OBSL1: variants seen among roughly 807,000 people sequenced by gnomAD.
OBSL1 encodes obscurin like cytoskeletal adaptor 1, also known as obscurin-like protein 1.
In OBSL1, 160 loss-of-function variants were observed where a neutral mutation model predicts 172.0. The ratio of observed to expected loss-of-function variants is 0.93; its 90% CI spans 0.82 to 1.06. OBSL1 has a LOEUF of 1.06. Among genes scored for constraint, OBSL1 ranks in the 50% least tolerant of loss-of-function variants. The probability of loss-of-function intolerance (pLI) is 0.00; values close to 1 mark genes in which losing one functional copy is unlikely to be tolerated. For synonymous variants in OBSL1, 1,200 were observed against 1,196.3 expected (o/e 1.00, Z -0.06); for missense variants, 2,681 against 2,715.4 (o/e 0.99, Z 0.28).
rs778230773 is a variant in OBSL1, at chr2:219,570,401, C to G, written c.832G>C (p.Glu278Gln). 6 of 1,613,288 alleles carry G rather than the reference C, an allele frequency of 3.7e-6. No homozygotes were observed. The highest frequency in any genetic ancestry group is 5.1e-6 in the Non-Finnish European group (6 of 1,179,628). The stretch of plus-strand genomic sequence containing the variant: ...AGCGGGCGGCCCTCCCAGTGCCATT[C>G]GATCTCGGGCTCGGGCTTGCCCATC... ...YVMGKPEPEI[E>Q]WHWEGRPLLP... Residue 278 changes from glutamate to glutamine, a missense_variant, in exon 1 of 21, where the codon GAA (glutamate) becomes CAA (glutamine). By Grantham distance (29) the Glu-to-Gln change is conservative (BLOSUM62 2). Transcript: ENST00000404537.
chr2:219,562,791 G>C, intron 7 of OBSL1, 117 bp from the exon 8 acceptor site: 1 of 1,110,372 alleles, frequency 9.0e-7, no homozygotes, highest in East Asian at 2.6e-5. Context: ...GGACCTTCCT[G>C]AGACCAAATC....
At position 219,570,940 on chromosome 2, in the gene OBSL1, G is replaced by GCGGCCGCCGCGTAGGCCTCGC. The variant is rs1285768206; in HGVS notation, c.272_292dup (p.Gly91_Ala97dup). 1.6e-6 allele frequency: 2 copies of GCGGCCGCCGCGTAGGCCTCGC among 1,276,456 alleles called. No individual in the cohort carries two copies. The highest frequency in any genetic ancestry group is 3.1e-5 in the African/African-American group (2 of 63,860). 79.1% of individuals were successfully genotyped at this position (1,276,456 alleles called of 1,614,324 possible). On this transcript the variant is annotated inframe_insertion, in exon 1 of 21. Transcript: ENST00000404537. ...GGCCGGCGGCTCCAGCACGGTGACG[G>GCGGCCGCCGCGTAGGCCTCGC]CGGCCGCCGCGTAGGCCTCGCCGGC...
rs1481786062 is a variant in OBSL1, at chr2:219,567,115, G to A, written c.1849C>T (p.Arg617Cys). ...ACATCCTCCAGACCTGCCACCAGGC[G>A]AGCTGTGGGCACTGAGGCAGGGACA... is the stretch of plus-strand genomic sequence containing the variant. ...HGSAHLVPTARLVAGLEDVQV... is the reference protein window; with the variant it reads ...HGSAHLVPTACLVAGLEDVQV... The change falls in exon 5 of 21, where the codon CGC (arginine) becomes TGC (cysteine). Residue 617 changes from arginine to cysteine, a missense_variant. Physicochemically the swap from Arg to Cys is radical, Grantham distance 180. Transcript: ENST00000404537. 3.1e-6 allele frequency: 5 copies of A among 1,613,024 alleles called. No homozygotes were observed. Among genetic ancestry groups the A allele is most frequent in the Admixed American group, 1.7e-5 (1 of 60,000 alleles).
In OBSL1 at chr2:219,556,152, C is replaced by T. The variant is rs201032988; in HGVS notation, c.4477G>A (p.Asp1493Asn). 679 of 1,613,756 alleles carry T rather than the reference C, an allele frequency of 4.2e-4. 2 individuals are homozygous for T. The African/African-American group carries it at 6.6e-3, about 16-fold the overall frequency. Residue 1493 changes from aspartate (D) to asparagine (N), a missense_variant, in exon 14 of 21, where the codon GAC becomes AAC. Asp to Asn is a conservative substitution (Grantham distance 23). Transcript: ENST00000404537. ...TCCTGGGCCATGGACAGGCGAGAGT[C>T]GTGGGGCAGGGGCTGCCCACCTCGC... ...WVRGGQPLPHDSRLSMAQDGH... is the reference protein window; with the variant it reads ...WVRGGQPLPHNSRLSMAQDGH...
chr2:219,557,530 G>T lies in OBSL1; in HGVS notation c.3879C>A (p.Leu1293=). ...AGCGTACAGGGCCCCCTGGCCCGGA[G>T]AGGTGCACCACCAGCTCTAGGTCCC... ...PGGDLELVVH[L]SGPGGPVRWY... The change falls in exon 12 of 21, where the codon CTC becomes CTA. Residue 1293 remains leucine (L), a synonymous_variant. Transcript: ENST00000404537. The T allele has an allele frequency of 6.4e-7, 1 of 1,552,782 alleles. No individual in the cohort carries two copies. The highest frequency in any genetic ancestry group is 8.7e-7 in the Non-Finnish European group (1 of 1,148,652).
chr2:219,562,929 G>A (rs984293618), intron 7 of OBSL1: 11 of 554,302 alleles, frequency 2.0e-5, no homozygotes, highest in Non-Finnish European at 3.5e-5. Context: ...CTGTAGAAAC[G>A]CTCCACATTC....
chr2:219,558,279 CG>C lies in OBSL1; in HGVS notation c.3406del (p.Arg1136AlafsTer3), dbSNP rs1559141246. ...ALQLGAEGPT[R>X]TLTLPHAQPE... ...CTGGGCGTGGGGCAGGGTCAGGGTG[CG>C]GGTGGGCCCCTCGGCACCCAGCTGC... On this transcript the variant is annotated frameshift_variant, in exon 10 of 21. Coordinates refer to ENST00000404537, the MANE Select transcript of OBSL1 (RefSeq NM_015311.3). LOFTEE classifies it high-confidence loss of function. The C allele has an allele frequency of 1.2e-6, 2 of 1,611,168 alleles. No individual in the cohort carries two copies. The highest frequency in any genetic ancestry group is 1.7e-5 in the Admixed American group (1 of 59,670).
In OBSL1 at chr2:219,552,592, C is replaced by T; in HGVS notation, c.5252G>A (p.Trp1751Ter). 2 of 1,586,244 alleles carry T rather than the reference C, an allele frequency of 1.3e-6. No homozygotes were observed. The highest frequency in any genetic ancestry group is 1.7e-6 in the Non-Finnish European group (2 of 1,172,768). The part of the protein sequence containing the change: ...TVSEVETTGR[W>*]ELGGRPLRPG... ...TCTCAGCGGGCGGCCTCCGAGCTCC[C>T]AGCGCCCCGTGGTCTCGACCTCCGA... Residue 1751 changes from tryptophan to a stop codon, truncating the protein, a stop_gained, in exon 18 of 21, where the codon TGG becomes TAG. Transcript: ENST00000404537. LOFTEE classifies it high-confidence loss of function.
chr2:219,557,043 G>A (rs975660607), intron 12 of OBSL1: 15 of 478,652 alleles, frequency 3.1e-5, no homozygotes, highest in Non-Finnish European at 4.4e-5. Context: ...TTTCAGAGCC[G>A]GGGCTCAGAC....
chr2:219,563,315 C>A, intron 7 of OBSL1, 40 bp downstream of exon 7: 2 of 1,512,882 alleles, frequency 1.3e-6, no homozygotes, highest in Non-Finnish European at 1.8e-6. Context: ...GGAGCAGGGG[C>A]ACCTTCCCCT....
chr2:219,551,668 C>G lies in OBSL1; in HGVS notation c.5544G>C (p.Leu1848=), dbSNP rs1198381469. 6.2e-7 allele frequency: 1 copy of G among 1,611,440 alleles called. No individual in the cohort carries two copies. The highest frequency in any genetic ancestry group is 8.5e-7 in the Non-Finnish European group (1 of 1,179,316). The change falls in exon 20 of 21, where the codon CTG becomes CTC. Residue 1848 remains leucine, a synonymous_variant. Coordinates refer to ENST00000404537, the MANE Select transcript of OBSL1 (RefSeq NM_015311.3). ...HVCWLREGAE[L]CPGDKYEMRS... ...GCATCTCATACTTATCTCCCGGGCACAGCTCGGCCCCCTCCCGCAGCCAGC... is the reference window on the plus strand; with the variant it reads ...GCATCTCATACTTATCTCCCGGGCAGAGCTCGGCCCCCTCCCGCAGCCAGC...
intron 7 of OBSL1, 43 bp from the exon 8 acceptor site, chr2:219,562,717 C>A (rs1272651684): frequency 1.3e-6 from 2 of 1,509,954 alleles, no homozygotes; most frequent in African/African-American, 1.4e-5. Flanking sequence ...AGGGGTGTGC[C>A]CTGCCGTCCT....
At position 219,552,926 on chromosome 2, in the gene OBSL1, C is replaced by T; in HGVS notation, c.5088G>A (p.Gly1696=). The change falls in exon 17 of 21, where the codon GGG becomes GGA. Residue 1696 remains glycine, a synonymous_variant. Coordinates refer to ENST00000404537, the MANE Select transcript of OBSL1 (RefSeq NM_015311.3). ...QLRRCGPSDA[G]TYSCAVGTAR... is the part of the protein sequence containing the mutation. ...CCGTCCCCACCGCGCAGCTGTAGGTCCCGGCGTCCGAGGGGCCGCAGCGTC... is the reference window on the plus strand; with the variant it reads ...CCGTCCCCACCGCGCAGCTGTAGGTTCCGGCGTCCGAGGGGCCGCAGCGTC... 2 of 1,537,712 alleles carry T rather than the reference C, an allele frequency of 1.3e-6. No individual in the cohort carries two copies. Among genetic ancestry groups the T allele is most frequent in the Non-Finnish European group, 1.7e-6 (2 of 1,144,580 alleles).
At position 219,560,406 on chromosome 2, in the gene OBSL1, C is replaced by T. The variant is rs528730954; in HGVS notation, c.2954-909G>A. Among the ~76,000 whole-genome samples the T allele has an allele frequency of 9.3e-4, 142 of 152,314 alleles. 1 individual carries two copies. Among genetic ancestry groups the T allele is most frequent in the African/African-American group, 3.3e-3 (137 of 41,552 alleles). On this transcript the variant is annotated intron_variant, in intron 8 of 20. Transcript: ENST00000404537. ...AATGCTGATTCTGGGAGCTCATCTC[C>T]AAGTTCTGGTCACTCCTCTGCAGAA...
At chr2:219,549,994 T>A, downstream of OBSL1, 1 of 1,187,506 alleles carries the variant, frequency 8.4e-7, no homozygotes, top group Non-Finnish European at 1.2e-6. Flanking sequence ...GAAGGGAGGA[T>A]TGTCTCAGGC....
At chr2:219,551,308 G>A in intron 20 of OBSL1, 2 of 1,412,740 alleles carry the variant, frequency 1.4e-6, no homozygotes, top group Admixed American at 2.9e-5. Flanking sequence ...GGCGTAGAAA[G>A]GTGGGAACAG....
chr2:219,570,006 T>C (rs573815825), intron 1 of OBSL1, among the ~76,000 whole-genome samples: 1 of 152,302 alleles, frequency 6.6e-6, no homozygotes, highest in South Asian at 2.1e-4. Context: ...TCGGAATCAT[T>C]TAAGGAGTTT....
downstream of OBSL1, chr2:219,549,022 G>A: frequency 1.1e-6 from 1 of 941,556 alleles, no homozygotes; most frequent in Non-Finnish European, 1.6e-6. Context: ...GAAGTGACAG[G>A]GTGGGAGTAA....
At chr2:219,561,145 G>T (rs1220136859) in intron 8 of OBSL1, among the ~76,000 whole-genome samples, 1 of 152,138 alleles carries the variant, frequency 6.6e-6, no homozygotes, top group Non-Finnish European at 1.5e-5. Context: ...GCATTAGCTG[G>T]GGTGCAAGGA....
Sources: allele counts gnomAD v4.1 joint callset (sites outside exome capture counted in the v4.1 genomes callset), GRCh38; gene constraint gnomAD v4.1.1; transcripts MANE v1.5; gene names NCBI Gene and HGNC (gene_info 2026-07-23, HGNC 2026-07-21).